VWA8: variants seen among roughly 807,000 people sequenced by gnomAD.
VWA8 encodes von Willebrand factor A domain containing 8, also known as von Willebrand factor A domain-containing protein 8.
A neutral mutation model predicts 241.5 loss-of-function variants in VWA8; 221 were observed. The ratio of observed to expected loss-of-function variants is 0.91; its 90% CI spans 0.82 to 1.02. The LOEUF (loss-of-function observed/expected upper bound fraction) is 1.02, where lower values mean the gene tolerates loss of function less well. Among genes scored for constraint, VWA8 ranks in the 50% least tolerant of loss-of-function variants. The pLI, the probability that VWA8 is intolerant of heterozygous loss-of-function variation, is 0.00. For synonymous variants in VWA8, 852 were observed against 827.1 expected, an observed-to-expected ratio of 1.03 and a Z score of -0.52; for missense variants, 2,322 against 2,328.7, an observed-to-expected ratio of 1.00 and a Z score of 0.06.
At chr13:41,784,737 C>CATATATAT (rs772223346) in intron 18 of VWA8, among the ~76,000 whole-genome samples, 3,117 of 71,888 alleles carry the variant, frequency 0.043, 255 homozygotes, top group Non-Finnish European at 0.064. Flanking sequence ...TATACACACA[C>CATATATAT]ATATATATAT....
intron 17 of VWA8, among the ~76,000 whole-genome samples, chr13:41,806,852 T>C (rs1163159171): frequency 6.7e-6 from 1 of 148,998 alleles, no homozygotes; most frequent in Non-Finnish European, 1.5e-5. Flanking sequence ...CACTCCAGTC[T>C]GGCAACAGAG....
At chr13:41,637,307 G>A (rs964817999) in intron 37 of VWA8, among the ~76,000 whole-genome samples, 30 of 149,824 alleles carry the variant, frequency 2.0e-4, no homozygotes, top group Admixed American at 7.3e-4. Context: ...GCAAACCATC[G>A]CAAGGACAAA....
At chr13:41,691,534 A>C in intron 31 of VWA8, 89 bp from the exon 32 acceptor site, 1 of 1,447,752 alleles carries the variant, frequency 6.9e-7, no homozygotes, top group South Asian at 1.4e-5. Context: ...ACATTATGCA[A>C]CCCATAAAAA....
At chr13:41,591,119 T>C (rs2044451739) in intron 40 of VWA8, among the ~76,000 whole-genome samples, 1 of 152,242 alleles carries the variant, frequency 6.6e-6, no homozygotes, top group Non-Finnish European at 1.5e-5. Context: ...AGCTTGAATT[T>C]GTTAACATTG....
intron 14 of VWA8, among the ~76,000 whole-genome samples, chr13:41,829,184 CAAT>C (rs1007805236): frequency 1.1e-4 from 17 of 152,126 alleles, no homozygotes; most frequent in African/African-American, 3.9e-4. Flanking sequence ...AGAAAAACCA[CAAT>C]GAGATACCAC....
rs545427919 is a variant in VWA8, at chr13:41,759,075, A to T, written c.2426+2053T>A. Among the ~76,000 whole-genome samples the T allele has an allele frequency of 1.7e-4, 26 of 151,712 alleles. No homozygotes were observed. The East Asian group carries it at 3.9e-3, about 23-fold the overall frequency. On this transcript the variant is annotated intron_variant, in intron 21 of 44. Transcript: ENST00000379310. ...TTTGATTTGTTAACATTTGTTAAAA[A>T]TTTTTGCATCTATGTTCATAGGAAA...
chr13:41,784,757 T>C (rs9562351), intron 18 of VWA8, among the ~76,000 whole-genome samples: 1 of 121,100 alleles, frequency 8.3e-6, no homozygotes, highest in Admixed American at 9.0e-5. Flanking sequence ...TATATATATA[T>C]ATATACACAC....
At chr13:41,641,212 C>G (rs1246204203) in intron 37 of VWA8, among the ~76,000 whole-genome samples, 1 of 152,066 alleles carries the variant, frequency 6.6e-6, no homozygotes, top group African/African-American at 2.4e-5. Flanking sequence ...GCTAGCAGGG[C>G]TGGAGTGTTA....
intron 18 of VWA8, 116 bp downstream of exon 18, chr13:41,787,321 T>C (rs1419223047): frequency 6.6e-6 from 5 of 759,022 alleles, no homozygotes; most frequent in Non-Finnish European, 1.0e-5. Context: ...TAAAACAAAG[T>C]AGATGAAAAC....
intron 21 of VWA8, among the ~76,000 whole-genome samples, chr13:41,752,015 G>T (rs150806761): frequency 6.6e-6 from 1 of 152,122 alleles, no homozygotes; most frequent in African/African-American, 2.4e-5. Context: ...ATGATTGGTA[G>T]ATCACACACA....
chr13:41,630,264 T>TTCTCATGGGTGTC (rs142517591), intron 37 of VWA8, among the ~76,000 whole-genome samples: 13 of 151,938 alleles, frequency 8.6e-5, no homozygotes, highest in African/African-American at 3.1e-4. Context: ...TTTCTTTCCT[T>TTCTCATGGGTGTC]TTCAAATCAA....
At chr13:41,733,475 A>C (rs962782456) in intron 21 of VWA8, among the ~76,000 whole-genome samples, 3 of 152,232 alleles carry the variant, frequency 2.0e-5, no homozygotes, top group African/African-American at 7.2e-5. Flanking sequence ...TGGAAAGTGT[A>C]TAACGCCGTA....
intron 1 of VWA8, among the ~76,000 whole-genome samples, chr13:41,958,732 A>C (rs1878456337): frequency 6.6e-6 from 1 of 152,196 alleles, no homozygotes; most frequent in Non-Finnish European, 1.5e-5. Context: ...ATTCAGTTAC[A>C]GTTCTCACAC....
intron 37 of VWA8, among the ~76,000 whole-genome samples, chr13:41,644,225 T>C (rs1296219455): frequency 6.6e-6 from 1 of 151,792 alleles, no homozygotes; most frequent in Admixed American, 6.6e-5. Flanking sequence ...GCTTTCCTCT[T>C]ACGAGCCTCT....
intron 17 of VWA8, among the ~76,000 whole-genome samples, chr13:41,806,478 C>T (rs747145313): frequency 2.6e-5 from 4 of 151,852 alleles, no homozygotes; most frequent in Non-Finnish European, 2.9e-5. Flanking sequence ...CTGAGGCCAG[C>T]GGATCACAAG....
rs2044448762 is a variant in VWA8, at chr13:41,590,684, C to T, written c.5068G>A (p.Gly1690Arg). The change falls in exon 41 of 45, where the codon GGA (glycine) becomes AGA (arginine). Residue 1690 changes from glycine (G) to arginine (R), a missense_variant. Physicochemically the swap from Gly to Arg is moderately radical, Grantham distance 125. Transcript: ENST00000379310. Reference sequence around the variant, plus strand: ...CGACGTTTGTAGATGGCTTTTTCTCCAGTCAGCCCATCAATGATCTTGGCA... The same window carrying T: ...CGACGTTTGTAGATGGCTTTTTCTCTAGTCAGCCCATCAATGATCTTGGCA... Reference protein sequence around the residue: ...DDAKIIDGLTGEKAIYKRRGE... With the variant: ...DDAKIIDGLTREKAIYKRRGE... 5 of 1,613,948 alleles carry T rather than the reference C, an allele frequency of 3.1e-6. No individual in the cohort carries two copies. Among genetic ancestry groups the T allele is most frequent in the Admixed American group, 3.3e-5 (2 of 59,986 alleles).
intron 17 of VWA8, among the ~76,000 whole-genome samples, chr13:41,798,229 T>C (rs983078703): frequency 6.6e-6 from 1 of 152,242 alleles, no homozygotes; most frequent in African/African-American, 2.4e-5. Context: ...TATTGCTTTG[T>C]TTTTCACAAT....
At chr13:41,604,682 T>C (rs1429891510) in intron 40 of VWA8, among the ~76,000 whole-genome samples, 1 of 152,168 alleles carries the variant, frequency 6.6e-6, no homozygotes, top group Non-Finnish European at 1.5e-5. Flanking sequence ...CCCAACCTTC[T>C]TCCTTTGTCC....
intron 1 of VWA8, among the ~76,000 whole-genome samples, chr13:41,956,910 A>T (rs1236149035): frequency 6.6e-6 from 1 of 152,238 alleles, no homozygotes; most frequent in Non-Finnish European, 1.5e-5. Flanking sequence ...TATAAAACAT[A>T]CATGATCCCA....
Sources: allele counts gnomAD v4.1 joint callset (sites outside exome capture counted in the v4.1 genomes callset), GRCh38; gene constraint gnomAD v4.1.1; transcripts MANE v1.5; gene names NCBI Gene and HGNC (gene_info 2026-07-23, HGNC 2026-07-21).